PIBF1: variants seen among roughly 807,000 people sequenced by gnomAD.
PIBF1 encodes the protein progesterone immunomodulatory binding factor 1, also known as progesterone-induced-blocking factor 1.
PIBF1 carries 90 observed loss-of-function variants against 112.5 expected under a neutral mutation model. The ratio of observed to expected loss-of-function variants is 0.80; its 90% CI spans 0.67 to 0.95. The LOEUF is 0.95. Ranked by LOEUF, PIBF1 falls within the 40% of genes least tolerant of loss-of-function variation. PIBF1 has a pLI of 0.00. For missense variants in PIBF1, 915 were observed against 852.3 expected (o/e 1.07, Z -0.92); for synonymous variants, 301 against 288.6 (o/e 1.04, Z -0.44).
intron 17 of PIBF1, among the ~76,000 whole-genome samples, chr13:73,007,175 A>G (rs1206498826): frequency 6.6e-6 from 1 of 151,980 alleles, no homozygotes; most frequent in Non-Finnish European, 1.5e-5. Context: ...ATTTTGTCAT[A>G]TAAAGCACCA....
chr13:72,991,002 C>A (rs1360256830), intron 16 of PIBF1, among the ~76,000 whole-genome samples: 3 of 152,226 alleles, frequency 2.0e-5, no homozygotes, highest in Admixed American at 2.0e-4. Context: ...GAAAGCACTT[C>A]CATTTACCAG....
intron 16 of PIBF1, among the ~76,000 whole-genome samples, chr13:72,978,943 C>G (rs1218243610): frequency 6.6e-6 from 1 of 151,966 alleles, no homozygotes; most frequent in Non-Finnish European, 1.5e-5. Context: ...ACTTGTAATC[C>G]CAGCACTCAA....
At chr13:72,931,140 T>C (rs1486989204) in intron 13 of PIBF1, 25 bp from the exon 14 acceptor site, 5 of 1,424,890 alleles carry the variant, frequency 3.5e-6, no homozygotes, top group Non-Finnish European at 4.9e-6. Context: ...TTTTAAGCAT[T>C]AATTTTCTTA....
chr13:72,917,517 A>T (rs907312861), intron 13 of PIBF1, among the ~76,000 whole-genome samples: 2 of 152,162 alleles, frequency 1.3e-5, no homozygotes, highest in Admixed American at 1.3e-4. Flanking sequence ...TTTTTATTCA[A>T]CTGCCTACAT....
chr13:72,979,874 A>T (rs2043113912), intron 16 of PIBF1, among the ~76,000 whole-genome samples: 1 of 152,154 alleles, frequency 6.6e-6, no homozygotes, highest in Admixed American at 6.5e-5. Flanking sequence ...GTGAGCTGAG[A>T]TTGTGCCACT....
At chr13:72,803,391 G>A (rs559469887) in intron 5 of PIBF1, among the ~76,000 whole-genome samples, 122 of 152,204 alleles carry the variant, frequency 8.0e-4, no homozygotes, top group African/African-American at 2.8e-3. Flanking sequence ...AGTGTAGGTA[G>A]TACTGTTGGA....
intron 16 of PIBF1, among the ~76,000 whole-genome samples, chr13:72,980,831 G>T (rs1321480991): frequency 6.6e-6 from 1 of 150,974 alleles, no homozygotes; most frequent in Non-Finnish European, 1.5e-5. Flanking sequence ...AAAAGAAAAA[G>T]ATGCTAAAGC....
At chr13:72,876,187 C>T (rs1476957410) in intron 10 of PIBF1, among the ~76,000 whole-genome samples, 2 of 107,120 alleles carry the variant, frequency 1.9e-5, no homozygotes, top group Non-Finnish European at 3.5e-5. Context: ...AGCAACATAT[C>T]TTGAAAAGAC....
chr13:72,939,809 T>C lies in PIBF1; in HGVS notation c.1833+8542T>C, dbSNP rs140023831. ...AAAGATATTTTCCCTGGGTAAGGAA[T>C]TTGAGGTTGACTTTTCTCTCCCTCT... On this transcript the variant is annotated intron_variant, in intron 14 of 17. Coordinates refer to ENST00000326291, the MANE Select transcript of PIBF1 (RefSeq NM_006346.4). Among the ~76,000 whole-genome samples the C allele has an allele frequency of 2.1e-3, 317 of 152,262 alleles. 1 individual carries two copies. Among genetic ancestry groups the C allele is most frequent in the Non-Finnish European group, 3.8e-3 (255 of 67,980 alleles).
In PIBF1 at chr13:73,015,889, G is replaced by A; in HGVS notation, c.2244G>A (p.Glu748=). 6.3e-7 allele frequency: 1 copy of A among 1,587,494 alleles called. No homozygotes were observed. The highest frequency in any genetic ancestry group is 8.6e-7 in the Non-Finnish European group (1 of 1,165,248). Residue 748 remains glutamate (E), a synonymous_variant, in exon 18 of 18, where the codon GAG becomes GAA. Transcript: ENST00000326291. ...AACAGACTAAAAAAGAAGCACCTGAGTGGTCTAAGAAACAAAAGATGAAGA... is the reference window on the plus strand; with the variant it reads ...AACAGACTAAAAAAGAAGCACCTGAATGGTCTAAGAAACAAAAGATGAAGA... ...PTLFTKKEAP[E]WSKKQKMKT
chr13:72,989,686 T>A (rs143941832), intron 16 of PIBF1, among the ~76,000 whole-genome samples: 83 of 152,304 alleles, frequency 5.4e-4, no homozygotes, highest in African/African-American at 1.9e-3. Context: ...GGAAATATTT[T>A]AAAATTGACT....
chr13:72,826,757 A>G (rs564991752), intron 6 of PIBF1, among the ~76,000 whole-genome samples: 10 of 152,274 alleles, frequency 6.6e-5, no homozygotes, highest in African/African-American at 2.4e-4. Context: ...AAGTTTTATT[A>G]TTTACTGTAC....
chr13:72,906,994 A>AT (rs1247204817), intron 11 of PIBF1, among the ~76,000 whole-genome samples: 1 of 152,088 alleles, frequency 6.6e-6, no homozygotes, highest in African/African-American at 2.4e-5. Context: ...CTGAGTAATG[A>AT]TTTTTTTATA....
intron 17 of PIBF1, among the ~76,000 whole-genome samples, chr13:73,003,033 A>C (rs568556856): frequency 6.7e-6 from 1 of 149,268 alleles, no homozygotes; most frequent in Non-Finnish European, 1.5e-5. Context: ...TATGGTAGCA[A>C]ACAATACGAT....
intron 12 of PIBF1, among the ~76,000 whole-genome samples, chr13:72,909,242 T>C (rs568130472): frequency 3.2e-4 from 48 of 152,260 alleles, no homozygotes; most frequent in African/African-American, 1.1e-3. Context: ...TACTCCAGAA[T>C]TGTTAAGTAT....
chr13:72,845,015 G>GT (rs2037804445), intron 9 of PIBF1, among the ~76,000 whole-genome samples: 1 of 151,856 alleles, frequency 6.6e-6, no homozygotes, highest in Non-Finnish European at 1.5e-5. Context: ...TACAAATGCA[G>GT]AACATGTAGG....
At chr13:72,986,676 CTTTTTTTTTT>C (rs765529786) in intron 16 of PIBF1, among the ~76,000 whole-genome samples, 1 of 89,006 alleles carries the variant, frequency 1.1e-5, no homozygotes, top group South Asian at 4.3e-4. Context: ...TTTCTGTCAT[CTTTTTTTTTT>C]TTTTTTTTTT....
intron 3 of PIBF1, among the ~76,000 whole-genome samples, chr13:72,793,200 A>C (rs2035024167): frequency 6.6e-6 from 1 of 152,236 alleles, no homozygotes; most frequent in South Asian, 2.1e-4. Flanking sequence ...CACAAAATCA[A>C]ATCATACCTC....
chr13:72,933,974 T>C (rs2041788039), intron 14 of PIBF1, among the ~76,000 whole-genome samples: 1 of 152,194 alleles, frequency 6.6e-6, no homozygotes, highest in African/African-American at 2.4e-5. Context: ...CATATAGGTT[T>C]AGTAGTGAGT....
Sources: gnomAD v4.1 joint callset for allele counts (sites outside exome capture counted in the v4.1 genomes callset) on GRCh38, gnomAD v4.1.1 for gene constraint, MANE v1.5 for transcripts, NCBI Gene and HGNC (gene_info 2026-07-23, HGNC 2026-07-21) for gene names.